The following MCIDAS variants were observed in gnomAD, a reference collection of about 807,000 sequenced individuals.
MCIDAS encodes the protein multiciliate differentiation and DNA synthesis associated cell cycle protein, also known as multicilin.
MCIDAS carries 23 observed loss-of-function variants against 35.4 expected under a neutral mutation model. The ratio of observed to expected loss-of-function variants is 0.65; its 90% confidence interval spans 0.47 to 0.92. The LOEUF (loss-of-function observed/expected upper bound fraction) is 0.92, where lower values mean the gene tolerates loss of function less well. MCIDAS is among the 40% of genes least tolerant of loss of function. The probability of loss-of-function intolerance (pLI) is 0.00; values close to 1 mark genes in which losing one functional copy is unlikely to be tolerated. For missense variants in MCIDAS, 480 were observed against 531.8 expected (o/e 0.90, Z 0.96); for synonymous variants, 228 against 235.2 (o/e 0.97, Z 0.28).
At position 55,222,213 on chromosome 5, in the gene MCIDAS, T is replaced by TG; in HGVS notation, c.568dup (p.Gln190ProfsTer10). On this transcript the variant is annotated frameshift_variant, in exon 5 of 7. Coordinates refer to ENST00000513312, the MANE Select transcript of MCIDAS (RefSeq NM_001190787.3). LOFTEE classifies it high-confidence loss of function. ...AACAAGCGCGTCTCCCAACGCTCTC[T>TG]GGTTCTGGTCCGCCACCTCCTTCCA... The TG allele has an allele frequency of 6.5e-7, 1 of 1,535,652 alleles. No homozygotes were observed. The highest frequency in any genetic ancestry group is 8.7e-7 in the Non-Finnish European group (1 of 1,146,906).
chr5:55,224,863 A>T (rs1745428997), intron 3 of MCIDAS, among the ~76,000 whole-genome samples: 1 of 152,136 alleles, frequency 6.6e-6, no homozygotes, highest in Non-Finnish European at 1.5e-5. Flanking sequence ...CTTTCCCAGG[A>T]AAATTCCTGG....
rs1173841964 is a variant in MCIDAS at position 55,227,077 on chromosome 5, C to T, written c.62G>A (p.Arg21Lys). The T allele has an allele frequency of 6.6e-7, 1 of 1,518,492 alleles. No homozygotes were observed. Among genetic ancestry groups the T allele is most frequent in the African/African-American group, 1.4e-5 (1 of 70,196 alleles). The allele number at this position is 1,518,492 out of a possible 1,614,324, so 94.1% of individuals were successfully genotyped here. ...RRAFDSICPN[R>K]MLALPGRALL... is the part of the protein sequence containing the mutation. The stretch of plus-strand genomic sequence containing the variant: ...CGCCCGGCCCGGCAGTGCCAGCATT[C>T]TGTTGGGGCAGATGCTGTCGAAGGC... The change falls in exon 1 of 7, where the codon AGA (arginine) becomes AAA (lysine). Residue 21 changes from arginine to lysine, a missense_variant. Transcript: ENST00000513312.
chr5:55,220,318 C>A lies in MCIDAS; in HGVS notation c.*48G>T, dbSNP rs771080574. 3 of 1,482,930 alleles carry A rather than the reference C, an allele frequency of 2.0e-6. No homozygotes were observed. Among genetic ancestry groups the A allele is most frequent in the Non-Finnish European group, 9.0e-7 (1 of 1,113,784 alleles). 91.9% of individuals were successfully genotyped at this position (1,482,930 alleles called of 1,614,324 possible). A position where few individuals can be genotyped will look rare whatever the true frequency, so the allele number is the denominator to read the frequency against. On this transcript the variant is annotated 3_prime_UTR_variant, in exon 7 of 7. Transcript: ENST00000513312. The stretch of plus-strand genomic sequence containing the variant: ...GGCAAAGTTCTGGGAAGCCCCCAGG[C>A]ACTTCAGTGGAAACACAGGGCAGTG...
At position 55,222,457 on chromosome 5, in the gene MCIDAS, G is replaced by A. The variant is rs1441017728; in HGVS notation, c.383-58C>T. On this transcript the variant is annotated intron_variant, in intron 4 of 6. Coordinates refer to ENST00000513312, the MANE Select transcript of MCIDAS (RefSeq NM_001190787.3). ...CAAATTCATGCCCAGCTAGTTACAG[G>A]AGCAAAATGCCACTCTGGGTGTAGG... 6 of 1,356,562 alleles carry A rather than the reference G, an allele frequency of 4.4e-6. No individual in the cohort carries two copies. The African/African-American group carries it at 5.9e-5, about 13-fold the overall frequency. The allele number at this position is 1,356,562 out of a possible 1,614,324, so 84.0% of individuals were successfully genotyped here.
At position 55,220,737 on chromosome 5, in the gene MCIDAS, TGGCCTTC is replaced by T; in HGVS notation, c.780_786del (p.Ala262GlyfsTer21). 1.3e-6 allele frequency: 2 copies of T among 1,535,824 alleles called. No homozygotes were observed. The highest frequency in any genetic ancestry group is 1.7e-6 in the Non-Finnish European group (2 of 1,146,616). On this transcript the variant is annotated frameshift_variant, in exon 7 of 7. Transcript: ENST00000513312. LOFTEE classifies it high-confidence loss of function. ...CTGACCAACTCCTCCAGGCTCCTTTTGGCCTTCGCCTTGAGCAGGAAGGGCTCGGCCG... is the reference window on the plus strand; with the variant it reads ...CTGACCAACTCCTCCAGGCTCCTTTTGCCTTGAGCAGGAAGGGCTCGGCCG...
chr5:55,226,202 G>T (rs917028467), intron 3 of MCIDAS, among the ~76,000 whole-genome samples: 3 of 152,148 alleles, frequency 2.0e-5, no homozygotes, highest in African/African-American at 7.2e-5. Context: ...GGTGTTGGGA[G>T]AACTGATAGG....
At chr5:55,225,350 G>C (rs1745437999) in intron 3 of MCIDAS, among the ~76,000 whole-genome samples, 1 of 152,322 alleles carries the variant, frequency 6.6e-6, no homozygotes, top group African/African-American at 2.4e-5. Context: ...TGTATACTTA[G>C]ACAAACATCC....
intron 5 of MCIDAS, among the ~76,000 whole-genome samples, chr5:55,221,964 A>C (rs1745365488): frequency 6.6e-6 from 1 of 152,188 alleles, no homozygotes; most frequent in Non-Finnish European, 1.5e-5. Context: ...TAATTAATAA[A>C]ATAAAATAAA....
In MCIDAS at chr5:55,220,569, G is replaced by A. The variant is rs1157568982; in HGVS notation, c.955C>T (p.Leu319=). The A allele has an allele frequency of 6.5e-7, 1 of 1,536,102 alleles. No individual in the cohort carries two copies. The highest frequency in any genetic ancestry group is 8.7e-7 in the Non-Finnish European group (1 of 1,146,868). ...CGCAGCCCCCGGAAGGCGCCATGCA[G>A]GTTCCCGGGCCTGGTGTCAGTATTC... is the stretch of plus-strand genomic sequence containing the variant. ...PANTDTRPGN[L]HGAFRGLRTD... Residue 319 remains leucine, a synonymous_variant, in exon 7 of 7, where the codon CTG becomes TTG. Transcript: ENST00000513312.
intron 4 of MCIDAS, 41 bp downstream of exon 4, chr5:55,222,910 A>G: frequency 6.7e-7 from 1 of 1,503,406 alleles, no homozygotes; most frequent in Admixed American, 2.0e-5. Context: ...GGAGTGGGGG[A>G]CACCCCCGCT....
chr5:55,219,830 A>C lies in MCIDAS; in HGVS notation c.*536T>G, dbSNP rs1745317224. On this transcript the variant is annotated 3_prime_UTR_variant, in exon 7 of 7. Transcript: ENST00000513312. ...CCTCTCCCGATTTCGTATTCTGGCC[A>C]CCAAAATAAAAATTTTCAATAGTAA... is the stretch of plus-strand genomic sequence containing the variant. 1 of 152,280 alleles carries C rather than the reference A, an allele frequency of 6.6e-6. No individual in the cohort carries two copies. The highest frequency in any genetic ancestry group is 6.5e-5 in the Admixed American group (1 of 15,282). 9.4% of individuals were successfully genotyped at this position (152,280 alleles called of 1,614,324 possible).
In MCIDAS at chr5:55,227,161, C is replaced by T. The variant is rs1013609595; in HGVS notation, c.-23G>A. ...CATTGTGCCTCCTGCCTCCGGGTGC[C>T]GACTGCTCGGAGGCGGCGGCCCGGG... On this transcript the variant is annotated 5_prime_UTR_variant, in exon 1 of 7. Coordinates refer to ENST00000513312, the MANE Select transcript of MCIDAS (RefSeq NM_001190787.3). 1.6e-5 allele frequency: 23 copies of T among 1,418,398 alleles called. No homozygotes were observed. The highest frequency in any genetic ancestry group is 2.1e-5 in the Non-Finnish European group (23 of 1,095,392). The allele number at this position is 1,418,398 out of a possible 1,614,324, so 87.9% of individuals were successfully genotyped here. A position where few individuals can be genotyped will look rare whatever the true frequency, so the allele number is the denominator to read the frequency against.
intron 3 of MCIDAS, among the ~76,000 whole-genome samples, chr5:55,224,309 AT>A (rs1228764699): frequency 2.6e-5 from 4 of 151,990 alleles, no homozygotes; most frequent in Non-Finnish European, 5.9e-5. Context: ...CTGTTGATTC[AT>A]TCCTTTGCGC....
At chr5:55,220,953 G>T in intron 6 of MCIDAS, 63 bp downstream of exon 6, 1 of 1,468,942 alleles carries the variant, frequency 6.8e-7, no homozygotes, top group Non-Finnish European at 9.2e-7. Flanking sequence ...ATGCTGGGCG[G>T]GGATGCACTG....
chr5:55,223,831 G>C lies in MCIDAS; in HGVS notation c.310-808C>G, dbSNP rs1745408355. On this transcript the variant is annotated intron_variant, in intron 3 of 6. Coordinates refer to ENST00000513312, the MANE Select transcript of MCIDAS (RefSeq NM_001190787.3). The surrounding 1 kb of genome is among the most constrained non-coding windows in gnomAD (Gnocchi z 4.4). ...CATTGCTCTTTCAGTTTCCCAAAAA[G>C]TTGGGAGTACTCTTTTCTCGTACAG... is the stretch of plus-strand genomic sequence containing the variant. 6.6e-6 allele frequency among the ~76,000 whole-genome samples: 1 copy of C among 152,164 alleles called. No homozygotes were observed. The highest frequency in any genetic ancestry group is 2.1e-4 in the South Asian group (1 of 4,828).
In MCIDAS at chr5:55,220,739, G is replaced by C; in HGVS notation, c.785C>G (p.Ala262Gly). ...AAEPFLLKAK[A>G]KRSLEELVSA... ...GACCAACTCCTCCAGGCTCCTTTTG[G>C]CCTTCGCCTTGAGCAGGAAGGGCTC... The change falls in exon 7 of 7, where the codon GCC (alanine) becomes GGC (glycine). Residue 262 changes from alanine to glycine, a missense_variant. Ala to Gly is a moderately conservative substitution (Grantham distance 60, BLOSUM62 0). Coordinates refer to ENST00000513312, the MANE Select transcript of MCIDAS (RefSeq NM_001190787.3). 6.5e-7 allele frequency: 1 copy of C among 1,535,718 alleles called. No individual in the cohort carries two copies. Among genetic ancestry groups the C allele is most frequent in the Non-Finnish European group, 8.7e-7 (1 of 1,146,566 alleles).
rs1206093747 is a variant in MCIDAS at position 55,220,826 on chromosome 5, G to A, written c.718-20C>T. On this transcript the variant is annotated intron_variant, in intron 6 of 6. Transcript: ENST00000513312. Reference sequence around the variant, plus strand: ...CAGCTTCTACGAAAGACAGGGAAGAGCGCCGCCCTGGGGCCTGCCGGACCC... The same window carrying A: ...CAGCTTCTACGAAAGACAGGGAAGAACGCCGCCCTGGGGCCTGCCGGACCC... 6.6e-7 allele frequency: 1 copy of A among 1,516,588 alleles called. No individual in the cohort carries two copies. Among genetic ancestry groups the A allele is most frequent in the South Asian group, 1.2e-5 (1 of 82,672 alleles). 93.9% of individuals were successfully genotyped at this position (1,516,588 alleles called of 1,614,324 possible).
rs921181825 is a variant in MCIDAS, at chr5:55,219,869, C to T, written c.*497G>A. ...TTTCAATAGTAACAAAATTAGGTGT[C>T]CTTTTAGGACGAGGGAAGTTGAGTG... On this transcript the variant is annotated 3_prime_UTR_variant, in exon 7 of 7. Coordinates refer to ENST00000513312, the MANE Select transcript of MCIDAS (RefSeq NM_001190787.3). The T allele has an allele frequency of 6.6e-6, 1 of 152,218 alleles. No individual in the cohort carries two copies. The highest frequency in any genetic ancestry group is 6.5e-5 in the Admixed American group (1 of 15,276). The allele number at this position is 152,218 out of a possible 1,614,324, so 9.4% of individuals were successfully genotyped here. A position where few individuals can be genotyped will look rare whatever the true frequency, so the allele number is the denominator to read the frequency against.
rs1040606896 is a variant in MCIDAS at position 55,223,546 on chromosome 5, T to C, written c.310-523A>G. On this transcript the variant is annotated intron_variant, in intron 3 of 6. Transcript: ENST00000513312. This position sits in a 1 kb window ranked among gnomAD's most constrained non-coding sequence, Gnocchi z 4.4. Reference sequence around the variant, plus strand: ...GGCGGTTCCCTGTGCGCCTGCGAAATTTTGACTCCGACTCACCAGCGACCG... The same window carrying C: ...GGCGGTTCCCTGTGCGCCTGCGAAACTTTGACTCCGACTCACCAGCGACCG... Among the ~76,000 whole-genome samples, 2 of 152,106 alleles carry C rather than the reference T, an allele frequency of 1.3e-5. No individual in the cohort carries two copies. Among genetic ancestry groups the C allele is most frequent in the African/African-American group, 4.8e-5 (2 of 41,444 alleles).
Sources: gnomAD v4.1 joint callset for allele counts (sites outside exome capture counted in the v4.1 genomes callset) on GRCh38, gnomAD v4.1.1 for gene constraint, Gnocchi (gnomAD v3.1) non-coding constraint, MANE v1.5 for transcripts, NCBI Gene and HGNC (gene_info 2026-07-23, HGNC 2026-07-21) for gene names.